Variants in C20orf203 observed in about 807,000 individuals in gnomAD.
C20orf203 encodes uncharacterized protein C20orf203.
Under a neutral mutation model 15.9 loss-of-function variants are expected in C20orf203, and 16 were observed. The ratio of observed to expected loss-of-function variants is 1.01; its 90% CI spans 0.68 to 1.53. C20orf203 has a LOEUF of 1.53. C20orf203 is among the 40% of genes most tolerant of loss of function. The probability of loss-of-function intolerance (pLI) is 0.00; values close to 1 mark genes in which losing one functional copy is unlikely to be tolerated. For missense variants in C20orf203, 263 were observed against 247.5 expected, an observed-to-expected ratio of 1.06 and a Z score of -0.42; for synonymous variants, 98 against 97.2, an observed-to-expected ratio of 1.01 and a Z score of -0.05.
At chr20:32,641,119 G>C (rs1982268791) in intron 4 of C20orf203, among the ~76,000 whole-genome samples, 1 of 151,896 alleles carries the variant, frequency 6.6e-6, no homozygotes, top group Non-Finnish European at 1.5e-5. Flanking sequence ...AGGAGTTCGA[G>C]ACCAGCCTGG....
At chr20:32,657,744 G>A (rs750878052) in intron 1 of C20orf203, 1 of 152,090 alleles carries the variant, frequency 6.6e-6, no homozygotes, top group South Asian at 2.1e-4. Context: ...AGGATCACTT[G>A]ATATCAGAAG....
chr20:32,667,256 C>G (rs1266841000), intron 1 of C20orf203, among the ~76,000 whole-genome samples: 4 of 152,126 alleles, frequency 2.6e-5, no homozygotes, highest in Non-Finnish European at 5.9e-5. Context: ...GGGCTTTAAG[C>G]AGGGGCATCA....
chr20:32,654,566 G>A (rs1372360895), intron 1 of C20orf203, among the ~76,000 whole-genome samples: 1 of 152,202 alleles, frequency 6.6e-6, no homozygotes, highest in African/African-American at 2.4e-5. Context: ...TGGTGGGCCA[G>A]GCGTGGTAGC....
chr20:32,653,866 G>T (rs1218739215), intron 1 of C20orf203, among the ~76,000 whole-genome samples: 1 of 152,170 alleles, frequency 6.6e-6, no homozygotes, highest in African/African-American at 2.4e-5. Flanking sequence ...GCCAAGGCAG[G>T]TGGATCACCT....
intron 1 of C20orf203, among the ~76,000 whole-genome samples, chr20:32,667,820 G>A (rs536000636): frequency 6.6e-6 from 1 of 152,248 alleles, no homozygotes; most frequent in African/African-American, 2.4e-5. Context: ...ACAGGCGCGT[G>A]CCACCACACC....
chr20:32,640,256 T>C (rs1312155378), intron 5 of C20orf203, among the ~76,000 whole-genome samples: 1 of 152,142 alleles, frequency 6.6e-6, no homozygotes, highest in African/African-American at 2.4e-5. Flanking sequence ...TTTTTTCTGC[T>C]TATCCATATT....
rs1282022494 is a variant in C20orf203, at chr20:32,650,386, GT to G, written c.*45del. On this transcript the variant is annotated 3_prime_UTR_variant, in exon 4 of 6. Transcript: ENST00000608990. ...ACACCCTGAGGTGGTGGTGGCCTTGGTAGGACAGGCAGGCAGAGCTGGGGGT... is the reference window on the plus strand; with the variant it reads ...ACACCCTGAGGTGGTGGTGGCCTTGGAGGACAGGCAGGCAGAGCTGGGGGT... The G allele has an allele frequency of 1.3e-5, 18 of 1,391,968 alleles. No homozygotes were observed. The highest frequency in any genetic ancestry group is 1.8e-5 in the Non-Finnish European group (18 of 1,012,474). 86.2% of individuals were successfully genotyped at this position (1,391,968 alleles called of 1,614,324 possible).
rs1982057046 is a variant in C20orf203, at chr20:32,633,538, C to T, written c.*2032G>A. On this transcript the variant is annotated 3_prime_UTR_variant, in exon 6 of 6. Transcript: ENST00000608990. Reference sequence around the variant, plus strand: ...GTCAGCTCCTTCTCAGCCTCCTGTCCTGGGCCCACAGCAGACATACAACAA... The same window carrying T: ...GTCAGCTCCTTCTCAGCCTCCTGTCTTGGGCCCACAGCAGACATACAACAA... 1 of 152,398 alleles carries T rather than the reference C, an allele frequency of 6.6e-6. No homozygotes were observed. The highest frequency in any genetic ancestry group is 1.5e-5 in the Non-Finnish European group (1 of 68,214). 9.4% of individuals were successfully genotyped at this position (152,398 alleles called of 1,614,324 possible).
At chr20:32,653,003 G>T (rs1416463806) in intron 1 of C20orf203, among the ~76,000 whole-genome samples, 1 of 152,220 alleles carries the variant, frequency 6.6e-6, no homozygotes, top group African/African-American at 2.4e-5. Context: ...GGAAGTCTGT[G>T]CAAGCACAGC....
intron 1 of C20orf203, among the ~76,000 whole-genome samples, chr20:32,669,613 C>A (rs942754541): frequency 6.6e-6 from 1 of 152,046 alleles, no homozygotes; most frequent in Non-Finnish European, 1.5e-5. Flanking sequence ...TATCCACATG[C>A]GAAAGAATGA....
intron 4 of C20orf203, 23 bp from the exon 5 acceptor site, chr20:32,640,710 C>T (rs1373722932): frequency 6.6e-6 from 1 of 151,824 alleles, no homozygotes; most frequent in African/African-American, 2.4e-5. Context: ...AAAAAACAAA[C>T]AAACAAAAAA....
intron 1 of C20orf203, among the ~76,000 whole-genome samples, chr20:32,672,516 TGAG>T (rs1983198012): frequency 6.6e-6 from 1 of 151,198 alleles, no homozygotes; most frequent in Admixed American, 6.6e-5. Context: ...AAGGTTACAA[TGAG>T]CTATGATTGC....
chr20:32,653,811 G>T (rs2145674272), intron 1 of C20orf203, among the ~76,000 whole-genome samples: 1 of 152,288 alleles, frequency 6.6e-6, no homozygotes, highest in African/African-American at 2.4e-5. Flanking sequence ...AGAAAATCTT[G>T]GTTGGGAGCA....
At chr20:32,652,322 CAAAAAAAA>C (rs11483593) in intron 1 of C20orf203, among the ~76,000 whole-genome samples, 677 of 18,206 alleles carry the variant, frequency 0.037, 5 homozygotes, top group Non-Finnish European at 0.058. Flanking sequence ...GACTCCATCT[CAAAAAAAA>C]AAAAAAAAAA....
chr20:32,644,468 A>C (rs536819560), intron 4 of C20orf203, among the ~76,000 whole-genome samples: 1 of 151,910 alleles, frequency 6.6e-6, no homozygotes, highest in South Asian at 2.1e-4. Context: ...ACAAACCAAA[A>C]CAAAACAAAA....
chr20:32,663,829 G>A (rs963794479), intron 1 of C20orf203, among the ~76,000 whole-genome samples: 7 of 152,220 alleles, frequency 4.6e-5, no homozygotes, highest in Admixed American at 1.3e-4. Context: ...CACTGTCCCC[G>A]GAGGGACCAG....
At chr20:32,643,721 C>T (rs548714742) in intron 4 of C20orf203, among the ~76,000 whole-genome samples, 9 of 151,728 alleles carry the variant, frequency 5.9e-5, no homozygotes, top group African/African-American at 1.7e-4. Flanking sequence ...TGGATGTTTG[C>T]GTTGTTTCTC....
chr20:32,634,188 C>CTGGGGCTT lies in C20orf203; in HGVS notation c.*1374_*1381dup. 2.5e-6 allele frequency: 1 copy of CTGGGGCTT among 398,464 alleles called. No individual in the cohort carries two copies. Among genetic ancestry groups the CTGGGGCTT allele is most frequent in the Middle Eastern group, 6.3e-4 (1 of 1,588 alleles). 24.7% of individuals were successfully genotyped at this position (398,464 alleles called of 1,614,324 possible). On this transcript the variant is annotated 3_prime_UTR_variant, in exon 6 of 6. Coordinates refer to ENST00000608990, the MANE Select transcript of C20orf203 (RefSeq NM_182584.4). The stretch of plus-strand genomic sequence containing the variant: ...ATGGAGATGGCGCAGGCACGGGCTG[C>CTGGGGCTT]TGGGGCTTGAGTTCAGGGGTTGGGG...
At chr20:32,664,609 A>G (rs1332329841) in intron 1 of C20orf203, among the ~76,000 whole-genome samples, 1 of 152,166 alleles carries the variant, frequency 6.6e-6, no homozygotes, top group Non-Finnish European at 1.5e-5. Context: ...CCTCCTCTAG[A>G]TGCAGCCACA....
Sources: allele counts gnomAD v4.1 joint callset (sites outside exome capture counted in the v4.1 genomes callset), GRCh38; gene constraint gnomAD v4.1.1; transcripts MANE v1.5; gene names NCBI Gene and HGNC (gene_info 2026-07-23, HGNC 2026-07-21).